Variants in RFX7 observed in about 807,000 individuals in gnomAD.
The protein encoded by RFX7 is DNA-binding protein RFX7.
A neutral mutation model predicts 111.8 loss-of-function variants in RFX7; 26 were observed. The observed-to-expected ratio is 0.23, with a 90% CI of 0.17 to 0.32. The LOEUF is 0.32. RFX7 is among the 10% of genes least tolerant of loss of function. The probability of loss-of-function intolerance (pLI) is 1.00; values close to 1 mark genes in which losing one functional copy is unlikely to be tolerated. For missense variants in RFX7, 1,573 were observed against 1,772.9 expected (o/e 0.89, Z 2.02); for synonymous variants, 624 against 624.4 (o/e 1.00, Z 0.01).
intron 5 of RFX7, 98 bp from the exon 6 acceptor site, chr15:56,103,768 C>G: frequency 1.4e-6 from 1 of 715,054 alleles, no homozygotes; most frequent in African/African-American, 1.8e-5. Flanking sequence ...CAAAGTGAAG[C>G]AAAGGATCTT....
chr15:56,153,060 A>C (rs887714088), intron 3 of RFX7, among the ~76,000 whole-genome samples: 2 of 152,236 alleles, frequency 1.3e-5, no homozygotes, highest in Non-Finnish European at 2.9e-5. Flanking sequence ...AAATTGAGGC[A>C]GTAATTAATA....
chr15:56,194,228 A>G (rs1473346086), intron 2 of RFX7, among the ~76,000 whole-genome samples: 1 of 152,176 alleles, frequency 6.6e-6, no homozygotes, highest in Non-Finnish European at 1.5e-5. Flanking sequence ...CTATTTTTAC[A>G]TTTATTTGGA....
rs373232662 is a variant in RFX7 at position 56,095,948 on chromosome 15, T to C, written c.1780A>G (p.Lys594Glu). The C allele has an allele frequency of 2.4e-5, 38 of 1,607,896 alleles. No individual in the cohort carries two copies. In the African/African-American group the frequency reaches 4.3e-4, roughly 18 times the overall value. The change falls in exon 10 of 10, where the codon AAG becomes GAG. Residue 594 changes from lysine to glutamate, a missense_variant. Lys to Glu is a moderately conservative substitution (Grantham distance 56). This residue lies in a region of RFX7 where 625 missense variants were observed against 632.2 expected (regional missense o/e 0.99). Coordinates refer to ENST00000559447, the MANE Select transcript of RFX7 (RefSeq NM_022841.7). The part of the protein sequence containing the change: ...NEGVIEIKAT[K>E]VCDQRTKCKS... ...CATTTGGTCCTCTGGTCACAGACCTTAGTTGCTTTTATTTCAATGACACCT... is the reference window on the plus strand; with the variant it reads ...CATTTGGTCCTCTGGTCACAGACCTCAGTTGCTTTTATTTCAATGACACCT...
At chr15:56,173,725 C>G (rs1257486402) in intron 3 of RFX7, among the ~76,000 whole-genome samples, 2 of 151,944 alleles carry the variant, frequency 1.3e-5, no homozygotes, top group Non-Finnish European at 2.9e-5. Context: ...ACCCAGGCAG[C>G]AGAGGTTGCA....
Position 56,243,455 on chromosome 15 carries a change from G to C in RFX7, c.-13C>G. ...AAGCTAGGCCTTTACCCCAGGGCTCGAGTGAGTCGCTTTCGCCTGCCGCCT... is the reference window on the plus strand; with the variant it reads ...AAGCTAGGCCTTTACCCCAGGGCTCCAGTGAGTCGCTTTCGCCTGCCGCCT... On this transcript the variant is annotated 5_prime_UTR_variant, in exon 1 of 10. Transcript: ENST00000559447. The C allele has an allele frequency of 1.0e-6, 1 of 984,584 alleles. No individual in the cohort carries two copies. Among genetic ancestry groups the C allele is most frequent in the Non-Finnish European group, 1.2e-6 (1 of 829,522 alleles). 61.0% of individuals were successfully genotyped at this position (984,584 alleles called of 1,614,324 possible).
chr15:56,206,694 G>C (rs1447456209), intron 2 of RFX7, among the ~76,000 whole-genome samples: 1 of 151,996 alleles, frequency 6.6e-6, no homozygotes, highest in Non-Finnish European at 1.5e-5. Context: ...TGTCATTGCA[G>C]TAATATAGAT....
chr15:56,239,816 A>AT (rs1484751956), intron 2 of RFX7, among the ~76,000 whole-genome samples: 1 of 152,024 alleles, frequency 6.6e-6, no homozygotes, highest in Non-Finnish European at 1.5e-5. Context: ...TCTCAATCCT[A>AT]TTTTTTCCAC....
chr15:56,212,134 CAG>C (rs1369729888), intron 2 of RFX7, among the ~76,000 whole-genome samples: 7 of 152,218 alleles, frequency 4.6e-5, no homozygotes, highest in African/African-American at 1.7e-4. Flanking sequence ...AATGGATAAA[CAG>C]TGGTATATCT....
At chr15:56,197,771 A>G (rs1236894185) in intron 2 of RFX7, among the ~76,000 whole-genome samples, 2 of 152,296 alleles carry the variant, frequency 1.3e-5, no homozygotes, top group African/African-American at 4.8e-5. Flanking sequence ...TTTGAACCAC[A>G]GAAGTCAAAG....
rs561744281 is a variant in RFX7 at position 56,146,508 on chromosome 15, A to C, written c.196-2025T>G. ...AGCCATGTCTGAGAAAGTGTAATAAAAATATCATTTTTGATCATAAAGAAA... is the reference window on the plus strand; with the variant it reads ...AGCCATGTCTGAGAAAGTGTAATAACAATATCATTTTTGATCATAAAGAAA... On this transcript the variant is annotated intron_variant, in intron 3 of 9. Transcript: ENST00000559447. Among the ~76,000 whole-genome samples the C allele has an allele frequency of 2.0e-5, 3 of 152,280 alleles. No individual in the cohort carries two copies. In the South Asian group the frequency reaches 6.2e-4, roughly 32 times the overall value.
intron 2 of RFX7, among the ~76,000 whole-genome samples, chr15:56,235,179 GT>G (rs200007759): frequency 0.13 from 19,403 of 145,574 alleles, 1,612 homozygotes; most frequent in East Asian, 0.44. Flanking sequence ...CTCGTTTGTT[GT>G]TTTTTTTTTT....
At chr15:56,099,077 C>CA (rs1159797453) in intron 8 of RFX7, among the ~76,000 whole-genome samples, 1 of 151,746 alleles carries the variant, frequency 6.6e-6, no homozygotes, top group Non-Finnish European at 1.5e-5. Context: ...ACAAAATAAG[C>CA]AAAATATAAA....
chr15:56,196,498 C>G (rs1182194547), intron 2 of RFX7, among the ~76,000 whole-genome samples: 1 of 151,926 alleles, frequency 6.6e-6, no homozygotes. Context: ...TATTTTGATA[C>G]ATTCTAGTTT....
intron 2 of RFX7, among the ~76,000 whole-genome samples, chr15:56,220,507 C>G (rs1221849580): frequency 6.6e-6 from 1 of 151,930 alleles, no homozygotes; most frequent in Non-Finnish European, 1.5e-5. Flanking sequence ...GTTGGGATTA[C>G]AGCGGGAGCC....
chr15:56,109,338 T>TC (rs1458552645), intron 5 of RFX7, among the ~76,000 whole-genome samples: 1 of 152,148 alleles, frequency 6.6e-6, no homozygotes, highest in African/African-American at 2.4e-5. Flanking sequence ...GGAGTCTCCT[T>TC]CACTCAGTGC....
rs1193763500 is a variant in RFX7 at position 56,117,488 on chromosome 15, T to C, written c.402-13818A>G. Among the ~76,000 whole-genome samples the C allele has an allele frequency of 2.0e-5, 3 of 152,200 alleles. No homozygotes were observed. The East Asian group carries it at 5.8e-4, about 29-fold the overall frequency. ...TATCATCTTAAACATCTGTCATTTA[T>C]TTGTGTTGGGAACATTCAATATCCT... On this transcript the variant is annotated intron_variant, in intron 5 of 9. Coordinates refer to ENST00000559447, the MANE Select transcript of RFX7 (RefSeq NM_022841.7).
At chr15:56,235,323 C>T (rs1200629381) in intron 2 of RFX7, among the ~76,000 whole-genome samples, 4 of 151,988 alleles carry the variant, frequency 2.6e-5, no homozygotes, top group South Asian at 2.1e-4. Flanking sequence ...CTACAGGCCC[C>T]GCCACTGTGA....
chr15:56,142,756 C>G, intron 5 of RFX7, 22 bp downstream of exon 5: 1 of 1,601,238 alleles, frequency 6.2e-7, no homozygotes, highest in Non-Finnish European at 8.5e-7. Context: ...TATCAGCATG[C>G]CATATTACAC....
Position 56,111,343 on chromosome 15 carries a change from CT to C in RFX7, c.402-7674del, listed in dbSNP as rs2041927933. 2.0e-5 allele frequency among the ~76,000 whole-genome samples: 3 copies of C among 152,136 alleles called. No homozygotes were observed. In the South Asian group the frequency reaches 6.2e-4, roughly 32 times the overall value. ...CCTTGGGATCCTGTTGATCTGTGAC[CT>C]TACCCCCAACCCGGTGCTCTCTGAA... is the stretch of plus-strand genomic sequence containing the variant. On this transcript the variant is annotated intron_variant, in intron 5 of 9. Coordinates refer to ENST00000559447, the MANE Select transcript of RFX7 (RefSeq NM_022841.7).
Sources: allele counts gnomAD v4.1 joint callset (sites outside exome capture counted in the v4.1 genomes callset), GRCh38; gene constraint gnomAD v4.1.1; regional missense constraint gnomAD v4.1.1; transcripts MANE v1.5; gene names NCBI Gene and HGNC (gene_info 2026-07-23, HGNC 2026-07-21).